GABRG3: variants seen among roughly 807,000 people sequenced by gnomAD.
The protein encoded by GABRG3 is gamma-aminobutyric acid type A receptor subunit gamma3.
GABRG3 carries 25 observed loss-of-function variants against 48.8 expected under a neutral mutation model. The observed-to-expected ratio is 0.51, with a 90% CI of 0.37 to 0.72. The LOEUF (loss-of-function observed/expected upper bound fraction) is 0.72, where lower values mean the gene tolerates loss of function less well. Ranked by LOEUF, GABRG3 falls within the 30% of genes least tolerant of loss-of-function variation. GABRG3 has a pLI of 0.00. For synonymous variants in GABRG3, 227 were observed against 217.6 expected (o/e 1.04, Z -0.38); for missense variants, 394 against 577.9 (o/e 0.68, Z 3.26).
intron 3 of GABRG3, among the ~76,000 whole-genome samples, chr15:27,165,172 T>A (rs540842864): frequency 3.3e-5 from 5 of 152,234 alleles, no homozygotes; most frequent in Admixed American, 6.5e-5. Context: ...CTCTCCCAGA[T>A]AATTTTCTTT....
chr15:27,077,433 C>A (rs1335859402), intron 3 of GABRG3, among the ~76,000 whole-genome samples: 1 of 152,112 alleles, frequency 6.6e-6, no homozygotes, highest in Non-Finnish European at 1.5e-5. Context: ...GACTCTTACT[C>A]TCTCATTTTT....
intron 3 of GABRG3, among the ~76,000 whole-genome samples, chr15:27,079,763 G>T (rs1010952967): frequency 2.0e-5 from 3 of 152,130 alleles, no homozygotes; most frequent in Non-Finnish European, 1.5e-5. Context: ...CTCCAACACT[G>T]TCCCAAAACA....
chr15:27,487,984 C>A (rs935131142), intron 6 of GABRG3, among the ~76,000 whole-genome samples: 1 of 152,140 alleles, frequency 6.6e-6, no homozygotes, highest in African/African-American at 2.4e-5. Context: ...AATGCGAGGG[C>A]GAGCCGTCCT....
intron 3 of GABRG3, among the ~76,000 whole-genome samples, chr15:27,272,190 C>T (rs952487334): frequency 2.6e-5 from 4 of 152,208 alleles, no homozygotes; most frequent in Admixed American, 1.3e-4. Flanking sequence ...CCGTGGGTAA[C>T]TAGGTGTTTC....
chr15:27,328,690 C>T (rs1595680757), intron 4 of GABRG3, 116 bp from the exon 5 acceptor site: 1 of 735,366 alleles, frequency 1.4e-6, no homozygotes, highest in Non-Finnish European at 2.4e-6. Context: ...GTGAGCCGCA[C>T]ATGCTGCCCT....
chr15:27,150,753 A>G (rs1025009172), intron 3 of GABRG3, among the ~76,000 whole-genome samples: 15 of 152,126 alleles, frequency 9.9e-5, no homozygotes, highest in African/African-American at 3.4e-4. Context: ...CAGATGAGGG[A>G]CCTGAGTTTT....
At position 27,071,347 on chromosome 15, in the gene GABRG3, C is replaced by T. The variant is rs532378399; in HGVS notation, c.270+44526C>T. ...CTCTGAGTCCAGTCGCCTCGGACAG[C>T]GCTGATTCGAGGTGAGGCTAGAGGA... On this transcript the variant is annotated intron_variant, in intron 3 of 9. Transcript: ENST00000615808. 2.2e-4 allele frequency among the ~76,000 whole-genome samples: 33 copies of T among 152,298 alleles called. 1 individual carries two copies. Among genetic ancestry groups the T allele is most frequent in the Admixed American group, 5.9e-4 (9 of 15,304 alleles).
intron 3 of GABRG3, among the ~76,000 whole-genome samples, chr15:27,294,342 A>T (rs951343773): frequency 6.8e-6 from 1 of 147,648 alleles, no homozygotes; most frequent in African/African-American, 2.5e-5. Flanking sequence ...TCATCTTCCC[A>T]AGTAGCTGGG....
At chr15:27,388,921 C>T (rs188967922) in intron 5 of GABRG3, among the ~76,000 whole-genome samples, 4 of 152,288 alleles carry the variant, frequency 2.6e-5, no homozygotes, top group African/African-American at 9.6e-5. Context: ...CGCCTTAACC[C>T]ATGCCTGGTT....
intron 3 of GABRG3, among the ~76,000 whole-genome samples, chr15:27,059,741 G>GTCCT (rs1228089255): frequency 6.6e-6 from 1 of 152,164 alleles, no homozygotes; most frequent in East Asian, 1.9e-4. Context: ...ATAGGTCTGG[G>GTCCT]TCCTGGCAGA....
intron 3 of GABRG3, among the ~76,000 whole-genome samples, chr15:27,046,439 A>G (rs558402786): frequency 1.1e-4 from 16 of 152,230 alleles, no homozygotes; most frequent in Middle Eastern, 3.4e-3. Flanking sequence ...CCCCTTACTC[A>G]GTGTCCCCTG....
At chr15:27,094,354 G>T (rs1006312009) in intron 3 of GABRG3, among the ~76,000 whole-genome samples, 3 of 152,212 alleles carry the variant, frequency 2.0e-5, no homozygotes, top group Non-Finnish European at 4.4e-5. Flanking sequence ...ATCAGGCTCT[G>T]CAGCTTTTTA....
chr15:27,113,975 A>C (rs1897599680), intron 3 of GABRG3, among the ~76,000 whole-genome samples: 1 of 152,234 alleles, frequency 6.6e-6, no homozygotes, highest in Non-Finnish European at 1.5e-5. Context: ...ATACCTTTCT[A>C]AAGGCAAGAG....
intron 3 of GABRG3, among the ~76,000 whole-genome samples, chr15:27,265,515 C>G (rs1185043991): frequency 6.6e-6 from 1 of 152,154 alleles, no homozygotes; most frequent in Non-Finnish European, 1.5e-5. Context: ...GCAATAGAGA[C>G]AGGTGGAAGA....
intron 5 of GABRG3, among the ~76,000 whole-genome samples, chr15:27,381,654 T>C (rs1895781101): frequency 6.6e-6 from 1 of 152,258 alleles, no homozygotes; most frequent in South Asian, 2.1e-4. Flanking sequence ...AATTCTTTGA[T>C]GGATCTAAGA....
At chr15:27,159,487 A>G (rs1033483971) in intron 3 of GABRG3, among the ~76,000 whole-genome samples, 5 of 152,066 alleles carry the variant, frequency 3.3e-5, no homozygotes, top group African/African-American at 1.2e-4. Flanking sequence ...ATCTTAAAAA[A>G]AAAAAAGTGC....
At chr15:27,014,091 C>T (rs550400156) in intron 2 of GABRG3, among the ~76,000 whole-genome samples, 18 of 152,068 alleles carry the variant, frequency 1.2e-4, no homozygotes, top group African/African-American at 3.9e-4. Flanking sequence ...GTACAATTGG[C>T]GTACAATTAT....
At chr15:27,467,240 G>A (rs371727579) in intron 5 of GABRG3, among the ~76,000 whole-genome samples, 1 of 152,092 alleles carries the variant, frequency 6.6e-6, no homozygotes, top group Non-Finnish European at 1.5e-5. Flanking sequence ...TATTATAATG[G>A]CACTAATCCC....
At chr15:27,299,568 A>G (rs1892122790) in intron 3 of GABRG3, among the ~76,000 whole-genome samples, 1 of 151,998 alleles carries the variant, frequency 6.6e-6, no homozygotes, top group Non-Finnish European at 1.5e-5. Context: ...GGAACCGAAC[A>G]CTCCTAATCC....
Sources: allele counts gnomAD v4.1 joint callset (sites outside exome capture counted in the v4.1 genomes callset), GRCh38; gene constraint gnomAD v4.1.1; transcripts MANE v1.5; gene names NCBI Gene and HGNC (gene_info 2026-07-23, HGNC 2026-07-21).